The following SLC39A11 variants were observed in gnomAD, a reference collection of about 807,000 sequenced individuals.
The protein encoded by SLC39A11 is zinc transporter ZIP11.
Under a neutral mutation model 36.1 loss-of-function variants are expected in SLC39A11, and 33 were observed. The ratio of observed to expected loss-of-function variants is 0.91; its 90% confidence interval spans 0.69 to 1.22. The LOEUF (loss-of-function observed/expected upper bound fraction) is 1.22, where lower values mean the gene tolerates loss of function less well. Ranked by LOEUF, SLC39A11 falls within the 50% of genes most tolerant of loss-of-function variation. The pLI is 0.00. For synonymous variants in SLC39A11, 166 were observed against 170.3 expected, an observed-to-expected ratio of 0.97 and a Z score of 0.20; for missense variants, 432 against 430.3, an observed-to-expected ratio of 1.00 and a Z score of -0.03.
chr17:72,661,344 T>C (rs1023257081), intron 7 of SLC39A11, among the ~76,000 whole-genome samples: 2 of 152,126 alleles, frequency 1.3e-5, no homozygotes, highest in African/African-American at 4.8e-5. Flanking sequence ...GGAGAGGTAG[T>C]GGAGAGAGTC....
intron 7 of SLC39A11, among the ~76,000 whole-genome samples, chr17:72,668,315 A>C (rs1567924911): frequency 6.6e-6 from 1 of 152,096 alleles, no homozygotes; most frequent in African/African-American, 2.4e-5. Flanking sequence ...AAAAAAAAAA[A>C]AATTCCCTAG....
In SLC39A11 at chr17:72,776,031, C is replaced by G. The variant is rs192108593; in HGVS notation, c.602-39312G>C. On this transcript the variant is annotated intron_variant, in intron 6 of 9. Transcript: ENST00000255559. ...TGCCACATGTTCCCTCTCCCTGGATCAGGCTGGTCCAGGAAGAATTGGGGA... is the reference window on the plus strand; with the variant it reads ...TGCCACATGTTCCCTCTCCCTGGATGAGGCTGGTCCAGGAAGAATTGGGGA... Among the ~76,000 whole-genome samples the G allele has an allele frequency of 3.3e-5, 5 of 152,318 alleles. No homozygotes were observed. In the East Asian group the frequency reaches 9.6e-4, roughly 29 times the overall value.
intron 4 of SLC39A11, among the ~76,000 whole-genome samples, chr17:72,953,377 T>C (rs1470220694): frequency 6.6e-6 from 1 of 152,028 alleles, no homozygotes; most frequent in Non-Finnish European, 1.5e-5. Flanking sequence ...TGAAATAATG[T>C]GAAGGAGGTG....
chr17:72,971,706 C>T (rs2087470020), intron 4 of SLC39A11, among the ~76,000 whole-genome samples: 2 of 151,194 alleles, frequency 1.3e-5, no homozygotes, highest in Admixed American at 1.3e-4. Context: ...CAAACTGTAT[C>T]CCTTGTTACT....
chr17:72,682,713 T>C (rs1471815902), intron 7 of SLC39A11, among the ~76,000 whole-genome samples: 1 of 152,268 alleles, frequency 6.6e-6, no homozygotes, highest in Non-Finnish European at 1.5e-5. Flanking sequence ...TGTGGGAGGC[T>C]GTCCTGTAAC....
chr17:72,991,244 A>AT lies in SLC39A11; in HGVS notation c.306+40311dup, dbSNP rs566731098. Among the ~76,000 whole-genome samples the AT allele has an allele frequency of 1.6e-4, 25 of 152,316 alleles. No homozygotes were observed. The South Asian group carries it at 2.7e-3, about 16-fold the overall frequency. Reference sequence around the variant, plus strand: ...TACACTTTTAATACCATGCTAATATATTTTTATATGTCTACAAAAAATTCA... The same window carrying AT: ...TACACTTTTAATACCATGCTAATATATTTTTTATATGTCTACAAAAAATTCA... On this transcript the variant is annotated intron_variant, in intron 4 of 9. Coordinates refer to ENST00000255559, the MANE Select transcript of SLC39A11 (RefSeq NM_139177.4).
chr17:72,848,298 A>G (rs2079141757), intron 6 of SLC39A11, among the ~76,000 whole-genome samples: 1 of 152,220 alleles, frequency 6.6e-6, no homozygotes, highest in African/African-American at 2.4e-5. Flanking sequence ...CCCTCAGTTT[A>G]TTTATTTTTA....
At chr17:72,697,635 G>C (rs565918329) in intron 7 of SLC39A11, among the ~76,000 whole-genome samples, 9 of 152,240 alleles carry the variant, frequency 5.9e-5, no homozygotes, top group African/African-American at 2.2e-4. Context: ...CTGAAAATCA[G>C]ATCACCAGTG....
At chr17:72,955,770 G>A (rs1173232157) in intron 4 of SLC39A11, among the ~76,000 whole-genome samples, 1 of 152,104 alleles carries the variant, frequency 6.6e-6, no homozygotes, top group Non-Finnish European at 1.5e-5. Flanking sequence ...AGAGGGAAAT[G>A]TTGCATAATA....
Position 73,031,648 on chromosome 17 carries a change from C to G in SLC39A11, c.214G>C (p.Gly72Arg). 1 of 1,614,124 alleles carries G rather than the reference C, an allele frequency of 6.2e-7. No individual in the cohort carries two copies. Among genetic ancestry groups the G allele is most frequent in the Non-Finnish European group, 8.5e-7 (1 of 1,180,024 alleles). ...GGGAAGAAGGCAAAGGCACCGAAGC[C>G]CCCAGAGGACGTGGCCATCTCAACT... ...PAVEMATSSG[G>R]FGAFAFFPVA... The change falls in exon 4 of 10, where the codon GGC becomes CGC. Residue 72 changes from glycine to arginine, a missense_variant. Physicochemically the swap from Gly to Arg is moderately radical, Grantham distance 125. Coordinates refer to ENST00000255559, the MANE Select transcript of SLC39A11 (RefSeq NM_139177.4).
At chr17:72,692,880 C>G (rs2072100140) in intron 7 of SLC39A11, among the ~76,000 whole-genome samples, 1 of 152,166 alleles carries the variant, frequency 6.6e-6, no homozygotes, top group South Asian at 2.1e-4. Flanking sequence ...AGCACCTCAT[C>G]AAAGCACTCA....
At chr17:72,692,961 G>A (rs1001263922) in intron 7 of SLC39A11, among the ~76,000 whole-genome samples, 4 of 152,116 alleles carry the variant, frequency 2.6e-5, no homozygotes, top group African/African-American at 9.7e-5. Context: ...GCCAAGAAGT[G>A]CTAATATTAT....
chr17:72,791,452 AAAAC>A (rs1350543469), intron 6 of SLC39A11, among the ~76,000 whole-genome samples: 2 of 152,222 alleles, frequency 1.3e-5, no homozygotes, highest in East Asian at 1.9e-4. Flanking sequence ...ACTCTGTCTC[AAAAC>A]AAACAAACAA....
Position 73,072,453 on chromosome 17 carries a change from A to G in SLC39A11, c.147+12355T>C, listed in dbSNP as rs1021317703. 4.6e-5 allele frequency: 7 copies of G among 152,366 alleles called. No individual in the cohort carries two copies. In the East Asian group the frequency reaches 5.8e-4, roughly 13 times the overall value. 9.4% of individuals were successfully genotyped at this position (152,366 alleles called of 1,614,324 possible). A position where few individuals can be genotyped will look rare whatever the true frequency, so the allele number is the denominator to read the frequency against. Reference sequence around the variant, plus strand: ...AGCATACACGTGGGCTCATGCGTCAAGACAAAGGCTGTTACTTCCCATCAC... The same window carrying G: ...AGCATACACGTGGGCTCATGCGTCAGGACAAAGGCTGTTACTTCCCATCAC... On this transcript the variant is annotated intron_variant, in intron 3 of 9. Transcript: ENST00000255559.
chr17:72,946,942 G>A (rs1056568891), intron 5 of SLC39A11, among the ~76,000 whole-genome samples: 1 of 152,184 alleles, frequency 6.6e-6, no homozygotes, highest in African/African-American at 2.4e-5. Context: ...CTTGAGGGAC[G>A]CATTCCCTCT....
At chr17:72,883,915 G>A (rs2081331461) in intron 5 of SLC39A11, among the ~76,000 whole-genome samples, 1 of 152,184 alleles carries the variant, frequency 6.6e-6, no homozygotes, top group Admixed American at 6.5e-5. Context: ...ACCACTTTGG[G>A]AGGCTGAGAC....
chr17:72,671,235 A>G (rs2071010401), intron 7 of SLC39A11, among the ~76,000 whole-genome samples: 1 of 152,204 alleles, frequency 6.6e-6, no homozygotes, highest in South Asian at 2.1e-4. Flanking sequence ...CCCAGAACCA[A>G]TGAACTCTGT....
At chr17:72,839,872 C>G (rs1386785521) in intron 6 of SLC39A11, among the ~76,000 whole-genome samples, 1 of 152,160 alleles carries the variant, frequency 6.6e-6, no homozygotes, top group Admixed American at 6.5e-5. Flanking sequence ...TCTGATGCAG[C>G]TGGAGTGAGA....
chr17:72,755,325 G>A (rs1271739910), intron 6 of SLC39A11, among the ~76,000 whole-genome samples: 3 of 152,376 alleles, frequency 2.0e-5, no homozygotes, highest in South Asian at 2.1e-4. Flanking sequence ...ATCAGGAGGC[G>A]AAGGCCATAT....
Sources: gnomAD v4.1 joint callset for allele counts (sites outside exome capture counted in the v4.1 genomes callset) on GRCh38, gnomAD v4.1.1 for gene constraint, MANE v1.5 for transcripts, NCBI Gene and HGNC (gene_info 2026-07-23, HGNC 2026-07-21) for gene names.